HNRNPA2B1: variants seen among roughly 807,000 people sequenced by gnomAD.
The protein encoded by HNRNPA2B1 is heterogeneous nuclear ribonucleoproteins A2/B1.
HNRNPA2B1 carries 3 observed loss-of-function variants against 46.3 expected under a neutral mutation model. That is an observed-to-expected ratio of 0.06 (90% CI 0.03 to 0.17). The LOEUF is 0.17. Among genes scored for constraint, HNRNPA2B1 ranks in the 10% least tolerant of loss-of-function variants. The probability of loss-of-function intolerance (pLI) is 1.00; values close to 1 mark genes in which losing one functional copy is unlikely to be tolerated. For synonymous variants in HNRNPA2B1, 225 were observed against 133.8 expected (o/e 1.68, Z -4.70); for missense variants, 221 against 418.9 (o/e 0.53, Z 4.12).
rs778830338 is a variant in HNRNPA2B1, at chr7:26,192,253, G to C, written c.*107C>G. 7.0e-6 allele frequency: 3 copies of C among 428,358 alleles called. No homozygotes were observed. Among genetic ancestry groups the C allele is most frequent in the Non-Finnish European group, 1.3e-5 (3 of 237,512 alleles). 26.5% of individuals were successfully genotyped at this position (428,358 alleles called of 1,614,324 possible). A position where few individuals can be genotyped will look rare whatever the true frequency, so the allele number is the denominator to read the frequency against. On this transcript the variant is annotated 3_prime_UTR_variant, in exon 11 of 11. Transcript: ENST00000618183. ...GCATATTTATGCATGACTGAGATAA[G>C]AGTTTCCTTAACATTGTTATTTCGA... is the stretch of plus-strand genomic sequence containing the variant.
rs888526009 is a variant in HNRNPA2B1 at position 26,191,728 on chromosome 7, CACTT to C, written c.*628_*631del. Reference sequence around the variant, plus strand: ...TAATCCTGATGAATTGCAGACAACACACTTACATCTGACCAGCATTTATCTTATA... The same window carrying C: ...TAATCCTGATGAATTGCAGACAACACACATCTGACCAGCATTTATCTTATA... On this transcript the variant is annotated 3_prime_UTR_variant, in exon 11 of 11. Coordinates refer to ENST00000618183, the MANE Select transcript of HNRNPA2B1 (RefSeq NM_002137.4). 2 of 152,328 alleles carry C rather than the reference CACTT, an allele frequency of 1.3e-5. No homozygotes were observed. Among genetic ancestry groups the C allele is most frequent in the African/African-American group, 2.4e-5 (1 of 41,468 alleles). The allele number at this position is 152,328 out of a possible 1,614,324, so 9.4% of individuals were successfully genotyped here.
chr7:26,200,027 CGAG>C (rs1321061066), intron 1 of HNRNPA2B1: 1 of 158,576 alleles, frequency 6.3e-6, no homozygotes, highest in Non-Finnish European at 1.4e-5. Flanking sequence ...GAAAACAGCC[CGAG>C]AAGAAAAAAA....
intron 7 of HNRNPA2B1, among the ~76,000 whole-genome samples, chr7:26,195,154 C>G (rs1227098703): frequency 2.1e-5 from 3 of 145,742 alleles, no homozygotes; most frequent in Non-Finnish European, 4.5e-5. Context: ...GGCTGAGTCT[C>G]TAACTTGTAG....
rs1443886042 is a variant in HNRNPA2B1, at chr7:26,192,220, AT to A, written c.*139del. On this transcript the variant is annotated 3_prime_UTR_variant, in exon 11 of 11. Coordinates refer to ENST00000618183, the MANE Select transcript of HNRNPA2B1 (RefSeq NM_002137.4). ...TGCATCTGCTCTGGTGTCTTCTGCC[AT>A]ATCACTGCATATTTATGCATGACTG... The A allele has an allele frequency of 6.5e-6, 2 of 309,970 alleles. No homozygotes were observed. Among genetic ancestry groups the A allele is most frequent in the Non-Finnish European group, 1.2e-5 (2 of 165,816 alleles). 19.2% of individuals were successfully genotyped at this position (309,970 alleles called of 1,614,324 possible).
chr7:26,195,793 G>C, intron 7 of HNRNPA2B1, 54 bp downstream of exon 7: 2 of 1,570,234 alleles, frequency 1.3e-6, no homozygotes, highest in Admixed American at 3.8e-5. Context: ...GTAAATATAC[G>C]ATATAGTTAA....
intron 5 of HNRNPA2B1, 22 bp from the exon 6 acceptor site, chr7:26,196,503 G>A (rs911928611): frequency 3.7e-6 from 6 of 1,613,656 alleles, no homozygotes; most frequent in Non-Finnish European, 5.1e-6. Context: ...GCCCCAGTTA[G>A]AAGCAAGCCC....
intron 1 of HNRNPA2B1, 150 bp from the exon 2 acceptor site, chr7:26,197,882 A>T: frequency 6.3e-7 from 1 of 1,578,390 alleles, no homozygotes; most frequent in Non-Finnish European, 8.6e-7. Flanking sequence ...GGGAAAAAAA[A>T]AACTTACATC....
At chr7:26,195,820 C>CA (rs1562710650) in intron 7 of HNRNPA2B1, 27 bp downstream of exon 7, 9 of 1,603,566 alleles carry the variant, frequency 5.6e-6, no homozygotes, top group Non-Finnish European at 6.8e-6. Flanking sequence ...GTCACATAAA[C>CA]AAACCAAAAC....
intron 1 of HNRNPA2B1, chr7:26,199,522 TC>T (rs1246630160): frequency 3.3e-5 from 5 of 152,222 alleles, no homozygotes; most frequent in African/African-American, 1.2e-4. Flanking sequence ...CATGGATCTG[TC>T]CCGTAAGGGT....
At position 26,197,745 on chromosome 7, in the gene HNRNPA2B1, A is replaced by G; in HGVS notation, c.7-13T>C. On this transcript the variant is annotated splice_polypyrimidine_tract_variant and intron_variant, in intron 1 of 10. Coordinates refer to ENST00000618183, the MANE Select transcript of HNRNPA2B1 (RefSeq NM_002137.4). ...GTTCCTTTTCTCTCTGCAAAGGAAA[A>G]TACCATTTCAATTTTTATTTACATT... 1 of 1,604,858 alleles carries G rather than the reference A, an allele frequency of 6.2e-7. No homozygotes were observed. The highest frequency in any genetic ancestry group is 1.1e-5 in the South Asian group (1 of 89,672).
intron 1 of HNRNPA2B1, chr7:26,200,363 G>A (rs907590309): frequency 1.9e-5 from 12 of 631,882 alleles, no homozygotes; most frequent in South Asian, 1.1e-4. Context: ...CCAGTGAAGG[G>A]AAATGGCGCC....
At chr7:26,198,688 G>T (rs187871147) in intron 1 of HNRNPA2B1, 1 of 152,236 alleles carries the variant, frequency 6.6e-6, no homozygotes, top group Non-Finnish European at 1.5e-5. Context: ...GGGCACTTAT[G>T]AATGTTAAGG....
chr7:26,192,244 CTGAGA>C lies in HNRNPA2B1; in HGVS notation c.*111_*115del. On this transcript the variant is annotated 3_prime_UTR_variant, in exon 11 of 11. Coordinates refer to ENST00000618183, the MANE Select transcript of HNRNPA2B1 (RefSeq NM_002137.4). The stretch of plus-strand genomic sequence containing the variant: ...CATATCACTGCATATTTATGCATGA[CTGAGA>C]TAAGAGTTTCCTTAACATTGTTATT... The C allele has an allele frequency of 5.1e-6, 2 of 390,972 alleles. No individual in the cohort carries two copies. The highest frequency in any genetic ancestry group is 3.8e-5 in the South Asian group (1 of 26,488). The allele number at this position is 390,972 out of a possible 1,614,324, so 24.2% of individuals were successfully genotyped here.
At chr7:26,194,377 C>G (rs567752710) in intron 7 of HNRNPA2B1, among the ~76,000 whole-genome samples, 138 of 152,008 alleles carry the variant, frequency 9.1e-4, no homozygotes, top group Non-Finnish European at 1.8e-3. Context: ...GCCTGGGCGA[C>G]AGAGAGAGAC....
chr7:26,196,205 A>G (rs1162736852), intron 6 of HNRNPA2B1, among the ~76,000 whole-genome samples, 196 bp downstream of exon 6: 2 of 152,222 alleles, frequency 1.3e-5, no homozygotes, highest in Non-Finnish European at 1.5e-5. Context: ...ATTAATCCAG[A>G]TAAATACAAC....
intron 1 of HNRNPA2B1, chr7:26,199,103 G>T (rs772175049): frequency 6.6e-6 from 1 of 152,284 alleles, no homozygotes; most frequent in Non-Finnish European, 1.5e-5. Flanking sequence ...CAGCACATAG[G>T]TTATCTCTAA....
chr7:26,196,114 T>G (rs1157945109), intron 6 of HNRNPA2B1, among the ~76,000 whole-genome samples: 1 of 152,218 alleles, frequency 6.6e-6, no homozygotes, highest in Non-Finnish European at 1.5e-5. Context: ...AGTCTCAATC[T>G]TAGAGATTCC....
At chr7:26,193,531 T>A (rs1459874856) in intron 8 of HNRNPA2B1, 44 bp downstream of exon 8, 2 of 1,566,660 alleles carry the variant, frequency 1.3e-6, no homozygotes, top group East Asian at 4.5e-5. Context: ...TACAAAGACA[T>A]TAATTCCAAA....
chr7:26,195,960 T>G (rs537136913), intron 6 of HNRNPA2B1, 51 bp from the exon 7 acceptor site: 4 of 1,548,316 alleles, frequency 2.6e-6, no homozygotes, highest in Admixed American at 2.3e-5. Context: ...TTCAGCATTA[T>G]TGCTAATATT....
Sources: allele counts gnomAD v4.1 joint callset (sites outside exome capture counted in the v4.1 genomes callset), GRCh38; gene constraint gnomAD v4.1.1; transcripts MANE v1.5; gene names NCBI Gene and HGNC (gene_info 2026-07-23, HGNC 2026-07-21).